Variants in KCNN2 observed in about 807,000 individuals in gnomAD.
KCNN2 encodes the protein small conductance calcium-activated potassium channel protein 2.
KCNN2 carries 24 observed loss-of-function variants against 55.5 expected under a neutral mutation model. The observed-to-expected ratio is 0.43, with a 90% confidence interval of 0.31 to 0.61. The LOEUF (loss-of-function observed/expected upper bound fraction) is 0.61. Among genes scored for constraint, KCNN2 ranks in the 20% least tolerant of loss-of-function variants. KCNN2 has a pLI of 0.08. For synonymous variants in KCNN2, 431 were observed against 336.1 expected (o/e 1.28, Z -3.09); for missense variants, 754 against 853.6 (o/e 0.88, Z 1.45).
intron 2 of KCNN2, among the ~76,000 whole-genome samples, chr5:114,386,646 A>C (rs938614410): frequency 1.3e-5 from 2 of 152,118 alleles, no homozygotes; most frequent in Non-Finnish European, 2.9e-5. Context: ...AATTCCCACC[A>C]TCTGAAAGGT....
chr5:114,208,976 C>T (rs1753824954), intron 1 of KCNN2, among the ~76,000 whole-genome samples: 1 of 152,042 alleles, frequency 6.6e-6, no homozygotes, highest in African/African-American at 2.4e-5. Context: ...ACTAATACTG[C>T]TTTCATCTGA....
intron 1 of KCNN2, 128 bp downstream of exon 1, chr5:114,363,389 A>C (rs879490204): frequency 1.2e-5 from 15 of 1,202,318 alleles, no homozygotes; most frequent in South Asian, 1.6e-5. Flanking sequence ...CCGCCAGGAC[A>C]GCGGGCGCGT....
intron 5 of KCNN2, among the ~76,000 whole-genome samples, chr5:114,482,478 A>G (rs2150133215): frequency 6.6e-6 from 1 of 152,304 alleles, no homozygotes; most frequent in East Asian, 1.9e-4. Flanking sequence ...ATGACAATTA[A>G]GGACCTAGAT....
At chr5:114,316,876 T>C (rs1466782309) in intron 2 of KCNN2, among the ~76,000 whole-genome samples, 1 of 152,172 alleles carries the variant, frequency 6.6e-6, no homozygotes, top group Non-Finnish European at 1.5e-5. Context: ...TGAGTCCACA[T>C]GCACAAGAAA....
chr5:114,206,139 C>T, intron 1 of KCNN2, among the ~76,000 whole-genome samples: 1 of 152,160 alleles, frequency 6.6e-6, no homozygotes, highest in South Asian at 2.1e-4. Context: ...TTTGTTTTTA[C>T]AAAGTAAAAT....
rs987421227 is a variant in KCNN2 at position 114,385,527 on chromosome 5, A to G, written c.1219-18911A>G. On this transcript the variant is annotated intron_variant, in intron 2 of 7. Coordinates refer to ENST00000673685, the MANE Select transcript of KCNN2 (RefSeq NM_021614.4). ...AGCATACACACATGCGCGCACACAC[A>G]CACACACACACACACACACACACAC... 1.2e-3 allele frequency among the ~76,000 whole-genome samples: 177 copies of G among 149,312 alleles called. 2 individuals are homozygous for G. Among genetic ancestry groups the G allele is most frequent in the African/African-American group, 1.2e-3 (49 of 39,998 alleles).
intron 3 of KCNN2, among the ~76,000 whole-genome samples, chr5:114,410,104 C>T (rs998042708): frequency 1.7e-4 from 26 of 152,170 alleles, no homozygotes; most frequent in African/African-American, 4.6e-4. Context: ...TAAGCGATCT[C>T]ATGTTCATGG....
At chr5:114,488,088 A>T (rs1252013273) in intron 6 of KCNN2, among the ~76,000 whole-genome samples, 1 of 152,210 alleles carries the variant, frequency 6.6e-6, no homozygotes, top group Non-Finnish European at 1.5e-5. Flanking sequence ...GTAATATGGT[A>T]CCACTAACAT....
intron 2 of KCNN2, among the ~76,000 whole-genome samples, chr5:114,387,859 C>T (rs1430197677): frequency 6.6e-6 from 1 of 152,102 alleles, no homozygotes; most frequent in Non-Finnish European, 1.5e-5. Context: ...CTTTGCTCTC[C>T]CCCTCTGCTC....
chr5:114,433,979 T>A (rs906433966), intron 3 of KCNN2: 1 of 152,536 alleles, frequency 6.6e-6, no homozygotes, highest in African/African-American at 2.4e-5. Flanking sequence ...ACTAATGTAT[T>A]CAGACCATTG....
intron 3 of KCNN2, among the ~76,000 whole-genome samples, chr5:114,405,823 G>C (rs1355855311): frequency 6.6e-6 from 1 of 151,326 alleles, no homozygotes; most frequent in African/African-American, 2.4e-5. Flanking sequence ...CCATTCTCCT[G>C]CCTCAGCCTC....
intron 1 of KCNN2, among the ~76,000 whole-genome samples, chr5:114,215,816 A>G (rs937541782): frequency 8.5e-5 from 13 of 152,098 alleles, no homozygotes; most frequent in African/African-American, 2.2e-4. Context: ...TTGCACCTTT[A>G]TGTTAGAAAG....
At chr5:114,321,441 A>G (rs1756611794) in intron 2 of KCNN2, among the ~76,000 whole-genome samples, 1 of 152,142 alleles carries the variant, frequency 6.6e-6, no homozygotes, top group Non-Finnish European at 1.5e-5. Flanking sequence ...AAGGATATAC[A>G]GATCTCCTCA....
chr5:114,206,126 A>T (rs1304031631), intron 1 of KCNN2, among the ~76,000 whole-genome samples: 1 of 151,976 alleles, frequency 6.6e-6, no homozygotes, highest in Non-Finnish European at 1.5e-5. Flanking sequence ...GTTAGTTTTT[A>T]TTTTTGTTTT....
chr5:114,295,129 C>T (rs1755980231), intron 2 of KCNN2, among the ~76,000 whole-genome samples: 3 of 152,172 alleles, frequency 2.0e-5, no homozygotes, highest in African/African-American at 7.2e-5. Context: ...GGGTGCCTCC[C>T]AGTTAGGCTG....
At position 114,340,668 on chromosome 5, in the gene KCNN2, A is replaced by ATGTGTG. The variant is rs3070942; in HGVS notation, c.-184-20258_-184-20253dup. Among the ~76,000 whole-genome samples the ATGTGTG allele has an allele frequency of 1.0e-3, 151 of 150,658 alleles. 2 individuals carry two copies. The East Asian group carries it at 0.02, about 20-fold the overall frequency. On this transcript the variant is annotated intron_variant, in intron 2 of 10. Transcript: ENST00000512097. The stretch of plus-strand genomic sequence containing the variant: ...ACACCATTATGGTGTGTGTGTGTGC[A>ATGTGTG]TGTGTGTGTGTGTGTGTGTGTGTGA...
chr5:114,335,099 AT>A (rs1756897731), intron 2 of KCNN2, among the ~76,000 whole-genome samples: 1 of 151,910 alleles, frequency 6.6e-6, no homozygotes, highest in Admixed American at 6.6e-5. Flanking sequence ...AATTTTTTGT[AT>A]TTTTAGTAGA....
intron 2 of KCNN2, among the ~76,000 whole-genome samples, chr5:114,232,922 C>CTTTTTTTTTTT (rs1754390718): frequency 2.3e-5 from 1 of 44,034 alleles, no homozygotes; most frequent in Non-Finnish European, 4.6e-5. Flanking sequence ...TATATTGTTT[C>CTTTTTTTTTTT]TTGTTTTTTT....
chr5:114,133,891 A>G (rs945328909), intron 1 of KCNN2, among the ~76,000 whole-genome samples: 4 of 152,222 alleles, frequency 2.6e-5, no homozygotes, highest in African/African-American at 7.2e-5. Flanking sequence ...ATCATAAGAG[A>G]TAGCCAATAT....
Sources: gnomAD v4.1 joint callset for allele counts (sites outside exome capture counted in the v4.1 genomes callset) on GRCh38, gnomAD v4.1.1 for gene constraint, MANE v1.5 for transcripts, NCBI Gene and HGNC (gene_info 2026-07-23, HGNC 2026-07-21) for gene names.